The following MAN2A2 variants were observed in gnomAD, a reference collection of about 807,000 sequenced individuals.
The protein encoded by MAN2A2 is mannosidase alpha class 2A member 2.
In MAN2A2, 79 loss-of-function variants were observed where a neutral mutation model predicts 126.8. The observed-to-expected ratio is 0.62, with a 90% confidence interval of 0.52 to 0.75. The LOEUF (loss-of-function observed/expected upper bound fraction) is 0.75. Among genes scored for constraint, MAN2A2 ranks in the 30% least tolerant of loss-of-function variants. The probability of loss-of-function intolerance (pLI) is 0.00; values close to 1 mark genes in which losing one functional copy is unlikely to be tolerated. For missense variants in MAN2A2, 1,392 were observed against 1,522.4 expected (o/e 0.91, Z 1.43); for synonymous variants, 671 against 618.7 (o/e 1.08, Z -1.25).
rs760532967 is a variant in MAN2A2, at chr15:90,905,677, T to G, written c.489T>G (p.Ala163=). 6.2e-7 allele frequency: 1 copy of G among 1,614,106 alleles called. No homozygotes were observed. ...DISYDPHDWD[A]EDLQVFVVPH... is the part of the protein sequence containing the mutation. The stretch of plus-strand genomic sequence containing the variant: ...CCTACGACCCGCACGACTGGGATGC[T>G]GAAGACCTGCAGGTGTTTGTGGTGC... The change falls in exon 4 of 23, where the codon GCT becomes GCG. Residue 163 remains alanine, a synonymous_variant. Transcript: ENST00000559717.
chr15:90,904,629 GC>G (rs1448552575), intron 2 of MAN2A2, among the ~76,000 whole-genome samples: 1 of 149,042 alleles, frequency 6.7e-6, no homozygotes, highest in Non-Finnish European at 1.5e-5. Context: ...TCGCTCTGTC[GC>G]CCAGCCTTGA....
chr15:90,920,947 G>A lies in MAN2A2; in HGVS notation c.*1160G>A, dbSNP rs1408307423. On this transcript the variant is annotated 3_prime_UTR_variant, in exon 23 of 23. Coordinates refer to ENST00000559717, the MANE Select transcript of MAN2A2 (RefSeq NM_006122.4). ...AATCCATCCCTTATTAAAACTCTTA[G>A]TAAATTAAGTCTGGAAAGAAACACC... The A allele has an allele frequency of 6.6e-6, 1 of 152,174 alleles. No individual in the cohort carries two copies. The highest frequency in any genetic ancestry group is 1.5e-5 in the Non-Finnish European group (1 of 68,036). The allele number at this position is 152,174 out of a possible 1,614,324, so 9.4% of individuals were successfully genotyped here.
intron 19 of MAN2A2, among the ~76,000 whole-genome samples, chr15:90,915,844 C>G (rs1019013146): frequency 6.6e-6 from 1 of 152,254 alleles, no homozygotes; most frequent in Middle Eastern, 3.2e-3. Context: ...TAGGCCCGTT[C>G]CCTACTCCTG....
chr15:90,916,333 T>C (rs759502840), intron 20 of MAN2A2, 77 bp downstream of exon 20: 1 of 1,541,794 alleles, frequency 6.5e-7, no homozygotes, highest in Non-Finnish European at 8.8e-7. Flanking sequence ...AGCCTAGGGC[T>C]CGAGGAGCGT....
intron 8 of MAN2A2, among the ~76,000 whole-genome samples, chr15:90,907,789 C>T: frequency 6.6e-6 from 1 of 152,238 alleles, no homozygotes; most frequent in Non-Finnish European, 1.5e-5. Context: ...ACTTCAGGCT[C>T]ATGTGCCTTC....
intron 13 of MAN2A2, 41 bp downstream of exon 13, chr15:90,911,279 C>T (rs1318194370): frequency 1.2e-6 from 2 of 1,611,388 alleles, no homozygotes; most frequent in Non-Finnish European, 1.7e-6. Context: ...CAGAGCCATT[C>T]CCTGGCTCTC....
intron 20 of MAN2A2, chr15:90,916,744 G>T (rs2035217654): frequency 3.9e-6 from 4 of 1,027,684 alleles, no homozygotes; most frequent in Admixed American, 2.3e-5. Flanking sequence ...CCGCCACTCA[G>T]TCACTCGTGC....
chr15:90,911,270 A>G (rs2034711716), intron 13 of MAN2A2, 32 bp downstream of exon 13: 1 of 1,613,648 alleles, frequency 6.2e-7, no homozygotes, highest in Non-Finnish European at 8.5e-7. Flanking sequence ...GCAGAGAGGC[A>G]GAGCCATTCC....
chr15:90,914,759 C>T (rs1399040471), intron 19 of MAN2A2, among the ~76,000 whole-genome samples: 5 of 152,182 alleles, frequency 3.3e-5, no homozygotes, highest in African/African-American at 1.2e-4. Flanking sequence ...ACCTTGTGAT[C>T]TGCCTGCCTC....
chr15:90,909,320 G>A lies in MAN2A2; in HGVS notation c.1197-7G>A, dbSNP rs762130774. The A allele has an allele frequency of 1.9e-6, 3 of 1,592,840 alleles. No homozygotes were observed. The highest frequency in any genetic ancestry group is 2.7e-5 in the African/African-American group (2 of 73,684). ...GTGGTGGGCCCATGTTTTTTTTCCT[G>A]CCCCAGGGCAGCCCTGCTTCTGGAC... is the stretch of plus-strand genomic sequence containing the variant. On this transcript the variant is annotated splice_region_variant and splice_polypyrimidine_tract_variant and intron_variant, in intron 8 of 22. Coordinates refer to ENST00000559717, the MANE Select transcript of MAN2A2 (RefSeq NM_006122.4).
At position 90,916,717 on chromosome 15, in the gene MAN2A2, A is replaced by T. The variant is rs2035216466; in HGVS notation, c.2994+461A>T. The T allele has an allele frequency of 2.4e-6, 3 of 1,243,680 alleles. No individual in the cohort carries two copies. The South Asian group carries it at 3.7e-5, about 16-fold the overall frequency. The allele number at this position is 1,243,680 out of a possible 1,614,324, so 77.0% of individuals were successfully genotyped here. On this transcript the variant is annotated intron_variant, in intron 20 of 22. Coordinates refer to ENST00000559717, the MANE Select transcript of MAN2A2 (RefSeq NM_006122.4). Reference sequence around the variant, plus strand: ...TACGAGCAAGGTGTAGCTGCGCCAGAGCCCAGGTGACAGAGCCCGCCACTC... The same window carrying T: ...TACGAGCAAGGTGTAGCTGCGCCAGTGCCCAGGTGACAGAGCCCGCCACTC...
chr15:90,910,477 C>A (rs757363515), intron 10 of MAN2A2, 24 bp from the exon 11 acceptor site: 35 of 1,612,106 alleles, frequency 2.2e-5, no homozygotes, highest in Admixed American at 5.0e-5. Flanking sequence ...TGCAGGCTGG[C>A]AGCTAACTTC....
chr15:90,913,108 G>T, intron 17 of MAN2A2, 117 bp downstream of exon 17: 1 of 1,150,382 alleles, frequency 8.7e-7, no homozygotes, highest in South Asian at 1.4e-5. Context: ...TTGAGACAGG[G>T]ATGCTCCATT....
In MAN2A2 at chr15:90,911,532, G is replaced by A. The variant is rs145546526; in HGVS notation, c.2091G>A (p.Ala697=). 1.7e-4 allele frequency: 281 copies of A among 1,612,580 alleles called. No individual in the cohort carries two copies. The highest frequency in any genetic ancestry group is 1.3e-3 in the African/African-American group (95 of 75,042). ...ISAHWSSATE[A]VPDVYQVSVP... ...CACACTGGAGCTCTGCCACCGAGGC[G>A]GTCCCTGACGTCTACCAGGTGAGGT... Residue 697 remains alanine, a synonymous_variant, in exon 14 of 23, where the codon GCG becomes GCA. Transcript: ENST00000559717.
chr15:90,918,055 G>T (rs2151329754), intron 20 of MAN2A2, 139 bp from the exon 21 acceptor site: 1 of 757,704 alleles, frequency 1.3e-6, no homozygotes. Context: ...CTCGCCTGGA[G>T]CCAGGCGTGC....
At position 90,916,108 on chromosome 15, in the gene MAN2A2, T is replaced by C. The variant is rs768558012; in HGVS notation, c.2861-15T>C. ...GGGGTGGGGGCGGGCCAGCACTCACTGTTTGCTTCCCCAGGCCAGCTGGAG... is the reference window on the plus strand; with the variant it reads ...GGGGTGGGGGCGGGCCAGCACTCACCGTTTGCTTCCCCAGGCCAGCTGGAG... On this transcript the variant is annotated splice_polypyrimidine_tract_variant and intron_variant, in intron 19 of 22. Coordinates refer to ENST00000559717, the MANE Select transcript of MAN2A2 (RefSeq NM_006122.4). 6.2e-7 allele frequency: 1 copy of C among 1,613,662 alleles called. No homozygotes were observed. The highest frequency in any genetic ancestry group is 1.1e-5 in the South Asian group (1 of 91,070).
chr15:90,906,079 C>G (rs2034259857), intron 5 of MAN2A2, 63 bp downstream of exon 5: 2 of 1,601,826 alleles, frequency 1.2e-6, no homozygotes. Flanking sequence ...GTGGACGGGT[C>G]TTACCTTAAG....
Position 90,911,022 on chromosome 15 carries a change from C to T in MAN2A2, c.1875+61C>T. On this transcript the variant is annotated intron_variant, in intron 12 of 22. Transcript: ENST00000559717. ...GTGTGTGCAGGTCCCATCCCAAGAG[C>T]TGCTGGATGGGGGTGCCGCTTCTCT... 4 of 1,503,956 alleles carry T rather than the reference C, an allele frequency of 2.7e-6. No individual in the cohort carries two copies. The Admixed American group carries it at 5.1e-5, about 19-fold the overall frequency. The allele number at this position is 1,503,956 out of a possible 1,614,324, so 93.2% of individuals were successfully genotyped here. A position where few individuals can be genotyped will look rare whatever the true frequency, so the allele number is the denominator to read the frequency against.
At chr15:90,907,869 C>G (rs888053955) in intron 8 of MAN2A2, among the ~76,000 whole-genome samples, 3 of 152,132 alleles carry the variant, frequency 2.0e-5, no homozygotes, top group African/African-American at 7.2e-5. Flanking sequence ...ACATTCAGTC[C>G]CACGAGATAG....
Sources: allele counts gnomAD v4.1 joint callset (sites outside exome capture counted in the v4.1 genomes callset), GRCh38; gene constraint gnomAD v4.1.1; transcripts MANE v1.5; gene names NCBI Gene and HGNC (gene_info 2026-07-23, HGNC 2026-07-21).